The following AKR1C8 variants were observed in gnomAD, a reference collection of about 807,000 sequenced individuals.
AKR1C8 encodes the protein aldo-keto reductase family 1 member C-like protein 1.
At chr10:5,162,162 G>A in the AKR1C8 span, among the ~76,000 whole-genome samples, 1 of 152,150 alleles carries the variant, frequency 6.6e-6, no homozygotes, top group South Asian at 2.1e-4. Context: ...TTCCTTGAAT[G>A]ACTGCAATGT....
chr10:5,159,971 C>T, the AKR1C8 span: 2 of 480,050 alleles, frequency 4.2e-6, no homozygotes, highest in African/African-American at 3.9e-5. Context: ...CCCAATGGAC[C>T]TGGTTAAACC....
At chr10:5,130,363 A>G in the AKR1C8 span, among the ~76,000 whole-genome samples, 4 of 151,992 alleles carry the variant, frequency 2.6e-5, no homozygotes, top group Admixed American at 1.3e-4. Context: ...CTGGTTCAAG[A>G]CAAGGATGCT....
the AKR1C8 span, chr10:5,160,901 A>G: frequency 2.1e-6 from 1 of 471,088 alleles, no homozygotes; most frequent in South Asian, 1.5e-5. Flanking sequence ...TGGAAAATAG[A>G]AAAGAAGATA....
chr10:5,163,525 C>A, the AKR1C8 span, among the ~76,000 whole-genome samples: 2 of 152,252 alleles, frequency 1.3e-5, no homozygotes, highest in African/African-American at 4.8e-5. Context: ...GAGTGGATGG[C>A]AAATAGTGTA....
chr10:5,180,706 C>G, the AKR1C8 span, among the ~76,000 whole-genome samples: 3 of 152,232 alleles, frequency 2.0e-5, no homozygotes, highest in Non-Finnish European at 4.4e-5. Context: ...GCCCCTCCCC[C>G]AGCCTGGCTG....
At chr10:5,144,656 C>G in the AKR1C8 span, among the ~76,000 whole-genome samples, 1 of 152,108 alleles carries the variant, frequency 6.6e-6, no homozygotes, top group African/African-American at 2.4e-5. Context: ...GGAATTCACT[C>G]ATGATTTGGC....
chr10:5,161,803 T>C, the AKR1C8 span: 1 of 534,734 alleles, frequency 1.9e-6, no homozygotes, highest in Non-Finnish European at 3.8e-6. Context: ...ATTCAGATGC[T>C]TATAACCATG....
chr10:5,122,211 A>G, the AKR1C8 span: 2 of 309,210 alleles, frequency 6.5e-6, no homozygotes, highest in South Asian at 6.1e-5. Flanking sequence ...CCAGGACAGC[A>G]GCTTCTACCT....
chr10:5,131,776 A>T, the AKR1C8 span, among the ~76,000 whole-genome samples: 1 of 152,148 alleles, frequency 6.6e-6, no homozygotes, highest in African/African-American at 2.4e-5. Context: ...TATGGAAAAC[A>T]GTATGGAGAT....
At chr10:5,117,592 C>A in the AKR1C8 span, among the ~76,000 whole-genome samples, 2 of 151,936 alleles carry the variant, frequency 1.3e-5, no homozygotes, top group Admixed American at 1.3e-4. Context: ...TAAAGGAATA[C>A]CTGAAGCTGA....
chr10:5,174,972 TTTG>T, the AKR1C8 span, among the ~76,000 whole-genome samples: 25 of 152,068 alleles, frequency 1.6e-4, no homozygotes, highest in Non-Finnish European at 3.7e-4. Flanking sequence ...TTTTCTTTAT[TTTG>T]TTATTATTAT....
the AKR1C8 span, among the ~76,000 whole-genome samples, chr10:5,166,774 CA>C: frequency 1.3e-5 from 2 of 151,982 alleles, no homozygotes; most frequent in African/African-American, 4.8e-5. Flanking sequence ...CAACAAAAGC[CA>C]AAATTGACAA....
chr10:5,133,683 C>A, the AKR1C8 span, among the ~76,000 whole-genome samples: 1 of 152,050 alleles, frequency 6.6e-6, no homozygotes, highest in Non-Finnish European at 1.5e-5. Flanking sequence ...ATGTAGAAAC[C>A]CCACACTTTG....
At chr10:5,179,119 G>T in the AKR1C8 span, among the ~76,000 whole-genome samples, 1 of 152,154 alleles carries the variant, frequency 6.6e-6, no homozygotes, top group Non-Finnish European at 1.5e-5. Context: ...GCTGGTACTG[G>T]TTGTTCCTTT....
At chr10:5,170,944 G>A in the AKR1C8 span, among the ~76,000 whole-genome samples, 25 of 152,214 alleles carry the variant, frequency 1.6e-4, 1 homozygote, top group South Asian at 5.0e-3. Context: ...TTGTTTATGG[G>A]AGTAAACTAA....
chr10:5,117,056 A>G, the AKR1C8 span, among the ~76,000 whole-genome samples: 1 of 152,034 alleles, frequency 6.6e-6, no homozygotes, highest in East Asian at 1.9e-4. Context: ...ACATTTTTAC[A>G]TTGAAAATAA....
chr10:5,135,974 G>A, the AKR1C8 span, among the ~76,000 whole-genome samples: 153 of 152,216 alleles, frequency 1.0e-3, 1 homozygote, highest in African/African-American at 3.5e-3. Flanking sequence ...AGAAAATGCA[G>A]AAATTATGAC....
chr10:5,147,496 T>C, the AKR1C8 span, among the ~76,000 whole-genome samples: 1 of 151,972 alleles, frequency 6.6e-6, no homozygotes, highest in African/African-American at 2.4e-5. Context: ...TCGTTATCAG[T>C]TGTGAGTAAA....
chr10:5,144,469 T>C, the AKR1C8 span, among the ~76,000 whole-genome samples: 226 of 151,986 alleles, frequency 1.5e-3, 1 homozygote, highest in Non-Finnish European at 2.2e-4. Flanking sequence ...TTGGGCAGTA[T>C]GGCCATTTTC....
Sources: gnomAD v4.1 joint callset for allele counts (sites outside exome capture counted in the v4.1 genomes callset) on GRCh38, gnomAD v4.1.1 for gene constraint, MANE v1.5 for transcripts, NCBI Gene and HGNC (gene_info 2026-07-23, HGNC 2026-07-21) for gene names.